The following DNAH12 variants were observed in gnomAD, a reference collection of about 807,000 sequenced individuals.
DNAH12 encodes the protein axonemal beta dynein heavy chain 12.
In DNAH12, 285 loss-of-function variants were observed where a neutral mutation model predicts 371.5. That is an observed-to-expected ratio of 0.77 (90% CI 0.70 to 0.85). The LOEUF is 0.85. Ranked by LOEUF, DNAH12 falls within the 40% of genes least tolerant of loss-of-function variation. The probability of loss-of-function intolerance (pLI) is 0.00; values close to 1 mark genes in which losing one functional copy is unlikely to be tolerated. For synonymous variants in DNAH12, 1,200 were observed against 1,213.0 expected, an observed-to-expected ratio of 0.99 and a Z score of 0.22; for missense variants, 3,611 against 3,689.4, an observed-to-expected ratio of 0.98 and a Z score of 0.55.
chr3:57,314,534 A>C lies in DNAH12; in HGVS notation c.10622T>G (p.Phe3541Cys). 1 of 1,551,252 alleles carries C rather than the reference A, an allele frequency of 6.4e-7. No homozygotes were observed. Among genetic ancestry groups the C allele is most frequent in the Non-Finnish European group, 8.7e-7 (1 of 1,146,890 alleles). Reference protein sequence around the residue: ...GPLGWNIPYGFNESDLRISIR... With the variant: ...GPLGWNIPYGCNESDLRISIR... ...ACTGATGCGCAAGTCAGATTCATTA[A>C]ATCCATATGGAATATTCCAACCAAG... The change falls in exon 66 of 74, where the codon TTT becomes TGT. Residue 3541 changes from phenylalanine to cysteine, a missense_variant. Coordinates refer to ENST00000495027, the MANE Select transcript of DNAH12 (RefSeq NM_001366028.2).
intron 58 of DNAH12, among the ~76,000 whole-genome samples, chr3:57,360,624 T>A (rs964593156): frequency 6.6e-6 from 1 of 152,008 alleles, no homozygotes; most frequent in East Asian, 1.9e-4. Context: ...GAGGCGAAGG[T>A]TGCAATGAGC....
In DNAH12 at chr3:57,413,764, A is replaced by C; in HGVS notation, c.6002T>G (p.Phe2001Cys). Reference sequence around the variant, plus strand: ...TAGTTACCAATGTCCACAGTCAAAAAACTGTCGTAATAATTCAATAGGTGG... The same window carrying C: ...TAGTTACCAATGTCCACAGTCAAAACACTGTCGTAATAATTCAATAGGTGG... ...AQPPIELLRQ[F>C]FDCGHWYDLK... Residue 2001 changes from phenylalanine to cysteine, a missense_variant, in exon 39 of 74, where the codon TTT (phenylalanine) becomes TGT (cysteine). By Grantham distance (205) the Phe-to-Cys change is radical. Coordinates refer to ENST00000495027, the MANE Select transcript of DNAH12 (RefSeq NM_001366028.2). 6.4e-7 allele frequency: 1 copy of C among 1,550,736 alleles called. No individual in the cohort carries two copies.
At position 57,509,128 on chromosome 3, in the gene DNAH12, T is replaced by C; in HGVS notation, c.542+12A>G. On this transcript the variant is annotated intron_variant, in intron 6 of 73. Transcript: ENST00000495027. ...ATTGGATGAAGTACTGTTTTTAAAA[T>C]AATTTACTCACACAGGAGATTCAGG... is the stretch of plus-strand genomic sequence containing the variant. 6.2e-7 allele frequency: 1 copy of C among 1,600,494 alleles called. No homozygotes were observed. Among genetic ancestry groups the C allele is most frequent in the East Asian group, 2.2e-5 (1 of 44,802 alleles).
intron 39 of DNAH12, among the ~76,000 whole-genome samples, chr3:57,411,526 C>CAAAA (rs57344840): frequency 0.01 from 383 of 38,160 alleles, no homozygotes; most frequent in Non-Finnish European, 0.015. Context: ...GACACTGTCT[C>CAAAA]AAAAAAAAAA....
Position 57,357,316 on chromosome 3 carries a change from C to A in DNAH12, c.9393G>T (p.Glu3131Asp), listed in dbSNP as rs1361668201. Residue 3131 changes from glutamate (E) to aspartate (D), a missense_variant, in exon 59 of 74, where the codon GAG (glutamate) becomes GAT (aspartate). Coordinates refer to ENST00000495027, the MANE Select transcript of DNAH12 (RefSeq NM_001366028.2). Reference protein sequence around the residue: ...IAEKTELKIAESREGYRPIAK... With the variant: ...IAEKTELKIADSREGYRPIAK... The stretch of plus-strand genomic sequence containing the variant: ...CGATGGGTCTATAGCCTTCTCGAGA[C>A]TCTGCTATTTTGAGTTCTGTTTTTT... 1.3e-5 allele frequency: 2 copies of A among 152,060 alleles called. No individual in the cohort carries two copies. The highest frequency in any genetic ancestry group is 4.8e-5 in the African/African-American group (2 of 41,406). The allele number at this position is 152,060 out of a possible 1,614,324, so 9.4% of individuals were successfully genotyped here.
At chr3:57,511,993 G>T (rs1429400593) in intron 4 of DNAH12, among the ~76,000 whole-genome samples, 1 of 151,716 alleles carries the variant, frequency 6.6e-6, no homozygotes, top group African/African-American at 2.4e-5. Flanking sequence ...TATAACTTGA[G>T]TATAGGAAAA....
In DNAH12 at chr3:57,338,918, C is replaced by T. The variant is rs143738789; in HGVS notation, c.9675-3978G>A. Among the ~76,000 whole-genome samples, 558 of 152,140 alleles carry T rather than the reference C, an allele frequency of 3.7e-3. 4 individuals are homozygous for T. Among genetic ancestry groups the T allele is most frequent in the African/African-American group, 0.013 (525 of 41,486 alleles). ...TGAGAATGGGCCATGGTGACGATGG[C>T]GGTTTTGTCGAAAAGAAAAGGGGGA... On this transcript the variant is annotated intron_variant, in intron 60 of 73. Transcript: ENST00000495027.
chr3:57,457,455 A>G (rs1220884539), intron 22 of DNAH12, among the ~76,000 whole-genome samples: 2 of 152,106 alleles, frequency 1.3e-5, no homozygotes, highest in Non-Finnish European at 2.9e-5. Flanking sequence ...ACCTTCTCCA[A>G]TAGCCTATCA....
intron 1 of DNAH12, among the ~76,000 whole-genome samples, chr3:57,543,339 T>TTTTTTTTTTTTTTC (rs2069383118): frequency 7.9e-6 from 1 of 126,636 alleles, no homozygotes. Flanking sequence ...TTTTTTTTTT[T>TTTTTTTTTTTTTTC]TGAGACAGAT....
intron 2 of DNAH12, 100 bp from the exon 3 acceptor site, chr3:57,523,984 T>A: frequency 1.4e-6 from 1 of 726,758 alleles, no homozygotes; most frequent in Non-Finnish European, 2.0e-6. Flanking sequence ...TAAGAGATAT[T>A]CAAGAGTTAT....
At chr3:57,487,816 G>A (rs187604867) in intron 12 of DNAH12, among the ~76,000 whole-genome samples, 2 of 151,902 alleles carry the variant, frequency 1.3e-5, no homozygotes, top group Admixed American at 6.5e-5. Flanking sequence ...AAAAATCACA[G>A]ATACTACAAA....
At chr3:57,465,965 A>G (rs536025277) in intron 17 of DNAH12, among the ~76,000 whole-genome samples, 1 of 152,274 alleles carries the variant, frequency 6.6e-6, no homozygotes, top group African/African-American at 2.4e-5. Context: ...ATGAGAGTAT[A>G]TATTGGTATA....
Position 57,471,521 on chromosome 3 carries a change from C to A in DNAH12, c.1862G>T (p.Arg621Leu). 1 of 1,549,138 alleles carries A rather than the reference C, an allele frequency of 6.5e-7. No homozygotes were observed. ...KLILEIEKESRRMEEFTEFAE... is the reference protein window; with the variant it reads ...KLILEIEKESLRMEEFTEFAE... ...AAATTCTGTAAACTCCTCCATGCGG[C>A]GTGATTCTTTTTCTATTTCCAAAAT... is the stretch of plus-strand genomic sequence containing the variant. Residue 621 changes from arginine (R) to leucine (L), a missense_variant, in exon 15 of 74, where the codon CGC becomes CTC. This residue lies in a region of DNAH12 where 1,314 missense variants were observed against 1,398.7 expected (regional missense o/e 0.94). Coordinates refer to ENST00000495027, the MANE Select transcript of DNAH12 (RefSeq NM_001366028.2).
intron 4 of DNAH12, among the ~76,000 whole-genome samples, chr3:57,519,027 G>A (rs1002731148): frequency 6.6e-6 from 1 of 152,152 alleles, no homozygotes; most frequent in Non-Finnish European, 1.5e-5. Context: ...ATGTTAGAAA[G>A]GAAATAAATG....
At chr3:57,488,937 A>AGT (rs34379970) in intron 12 of DNAH12, among the ~76,000 whole-genome samples, 32,113 of 150,000 alleles carry the variant, frequency 0.21, 3,770 homozygotes, top group South Asian at 0.42. Flanking sequence ...AGAAATCCAA[A>AGT]GTGTGTGTGT....
Position 57,293,930 on chromosome 3 carries a change from G to A in DNAH12, c.11734C>T (p.Pro3912Ser), listed in dbSNP as rs2061174083. The A allele has an allele frequency of 1.3e-6, 2 of 1,501,410 alleles. No homozygotes were observed. Among genetic ancestry groups the A allele is most frequent in the African/African-American group, 2.8e-5 (2 of 70,476 alleles). The allele number at this position is 1,501,410 out of a possible 1,614,324, so 93.0% of individuals were successfully genotyped here. A position where few individuals can be genotyped will look rare whatever the true frequency, so the allele number is the denominator to read the frequency against. Residue 3912 changes from proline (P) to serine (S), a missense_variant, in exon 74 of 74, where the codon CCC (proline) becomes TCC (serine). Physicochemically the swap from Pro to Ser is moderately conservative, Grantham distance 74. Transcript: ENST00000495027. ...TTACGTTCACTTGTCTTGTAGAGGG[G>A]ACAGACATAGGCATCCGACTTTATA... ...RIIKSDAYVC[P>S]LYKTSERKGT...
chr3:57,447,890 G>T (rs1381036328), intron 25 of DNAH12, among the ~76,000 whole-genome samples: 1 of 152,042 alleles, frequency 6.6e-6, no homozygotes, highest in East Asian at 1.9e-4. Flanking sequence ...GCCCAAGCTG[G>T]TCTCAAACTC....
intron 4 of DNAH12, among the ~76,000 whole-genome samples, chr3:57,511,274 A>G (rs2067988194): frequency 6.6e-6 from 1 of 152,158 alleles, no homozygotes; most frequent in Non-Finnish European, 1.5e-5. Context: ...CTAACTTATT[A>G]TTATAATATA....
chr3:57,372,514 G>A (rs1173258305), intron 55 of DNAH12, among the ~76,000 whole-genome samples: 3 of 151,882 alleles, frequency 2.0e-5, no homozygotes, highest in African/African-American at 4.8e-5. Context: ...TAAAGAGAAT[G>A]TATTATAGAA....
Sources: gnomAD v4.1 joint callset for allele counts (sites outside exome capture counted in the v4.1 genomes callset) on GRCh38, gnomAD v4.1.1 for gene constraint, gnomAD v4.1.1 regional missense constraint, MANE v1.5 for transcripts, NCBI Gene and HGNC (gene_info 2026-07-23, HGNC 2026-07-21) for gene names.